SDK2: variants seen among roughly 807,000 people sequenced by gnomAD.
SDK2 encodes protein sidekick-2.
SDK2 carries 105 observed loss-of-function variants against 253.9 expected under a neutral mutation model. The observed-to-expected ratio is 0.41, with a 90% CI of 0.35 to 0.49. The LOEUF is 0.49. SDK2 is among the 20% of genes least tolerant of loss of function. The probability of loss-of-function intolerance (pLI) is 0.06; values close to 1 mark genes in which losing one functional copy is unlikely to be tolerated. For synonymous variants in SDK2, 1,249 were observed against 1,234.9 expected, an observed-to-expected ratio of 1.01 and a Z score of -0.24; for missense variants, 2,608 against 3,003.0, an observed-to-expected ratio of 0.87 and a Z score of 3.07.
At chr17:73,391,304 C>T (rs2062926146) in intron 28 of SDK2, 136 bp downstream of exon 28, 2 of 424,676 alleles carry the variant, frequency 4.7e-6, no homozygotes, top group Non-Finnish European at 8.4e-6. Flanking sequence ...GGACTAACAC[C>T]CAGATCCCAT....
In SDK2 at chr17:73,440,856, C is replaced by T. The variant is rs1006796380; in HGVS notation, c.681G>A (p.Val227=). 8.8e-5 allele frequency: 137 copies of T among 1,551,626 alleles called. No individual in the cohort carries two copies. Among genetic ancestry groups the T allele is most frequent in the Non-Finnish European group, 1.1e-4 (131 of 1,147,006 alleles). Residue 227 remains valine (V), a synonymous_variant, in exon 6 of 45, where the codon GTG becomes GTA. Coordinates refer to ENST00000392650, the MANE Select transcript of SDK2 (RefSeq NM_001144952.2). ...IIIPPKNTSV[V]AGTSEVTLEC... is the part of the protein sequence containing the mutation. ...CCAAGGTAACCTCTGAGGTGCCGGC[C>T]ACCACGCTGGTGTTTTTAGGTGGGA... is the stretch of plus-strand genomic sequence containing the variant.
chr17:73,414,942 C>T (rs111310468), intron 17 of SDK2, among the ~76,000 whole-genome samples, 183 bp from the exon 18 acceptor site: 8 of 152,172 alleles, frequency 5.3e-5, no homozygotes, highest in African/African-American at 1.7e-4. Flanking sequence ...GATTAGTTTG[C>T]GTTTAATAAA....
At chr17:73,571,063 G>A (rs1599688684) in intron 1 of SDK2, among the ~76,000 whole-genome samples, 1 of 140,806 alleles carries the variant, frequency 7.1e-6, no homozygotes, top group East Asian at 2.0e-4. Context: ...TGCAGGAGGT[G>A]GCTCGGGTTT....
intron 15 of SDK2, among the ~76,000 whole-genome samples, chr17:73,421,433 C>T (rs1400005553): frequency 6.6e-6 from 1 of 152,180 alleles, no homozygotes; most frequent in Non-Finnish European, 1.5e-5. Context: ...TTGTTCTGAC[C>T]TCTCCCATGA....
At chr17:73,492,134 T>C (rs370599409) in intron 2 of SDK2, among the ~76,000 whole-genome samples, 74 of 152,234 alleles carry the variant, frequency 4.9e-4, no homozygotes, top group African/African-American at 1.6e-3. Context: ...AAAGAGATCC[T>C]GCACCCAGCT....
intron 1 of SDK2, among the ~76,000 whole-genome samples, chr17:73,597,653 T>TC (rs1387069304): frequency 6.6e-6 from 1 of 151,310 alleles, no homozygotes; most frequent in Non-Finnish European, 1.5e-5. Flanking sequence ...TCTTTTCTTT[T>TC]TTTTTTTTTT....
intron 44 of SDK2, among the ~76,000 whole-genome samples, chr17:73,340,442 T>A (rs567351031): frequency 1.3e-5 from 2 of 152,322 alleles, no homozygotes; most frequent in African/African-American, 4.8e-5. Flanking sequence ...GACTTTCCTA[T>A]AAATGGGATC....
chr17:73,638,688 C>A (rs1194021311), intron 1 of SDK2, among the ~76,000 whole-genome samples: 1 of 151,968 alleles, frequency 6.6e-6, no homozygotes, highest in Non-Finnish European at 1.5e-5. Context: ...GATCAGGACA[C>A]CCTCCTGGAC....
At chr17:73,440,091 A>G (rs965065382) in intron 6 of SDK2, among the ~76,000 whole-genome samples, 1 of 146,556 alleles carries the variant, frequency 6.8e-6, no homozygotes, top group Non-Finnish European at 1.5e-5. Flanking sequence ...GATCTGCCCT[A>G]CTCCAAAGCC....
At chr17:73,537,080 G>A (rs141919266) in intron 1 of SDK2, among the ~76,000 whole-genome samples, 48 of 152,308 alleles carry the variant, frequency 3.2e-4, no homozygotes, top group African/African-American at 1.0e-3. Flanking sequence ...CTGGTTGGAG[G>A]TGGCGGCTCA....
At chr17:73,360,860 C>G (rs1568365446) in intron 39 of SDK2, among the ~76,000 whole-genome samples, 1 of 150,656 alleles carries the variant, frequency 6.6e-6, no homozygotes, top group Non-Finnish European at 1.5e-5. Context: ...TGCTTGAACC[C>G]GGGAGGTGGA....
chr17:73,625,972 A>G (rs2046194823), intron 1 of SDK2, among the ~76,000 whole-genome samples: 1 of 152,174 alleles, frequency 6.6e-6, no homozygotes, highest in African/African-American at 2.4e-5. Flanking sequence ...CGGATCCTGC[A>G]AAAGATGCCG....
At chr17:73,420,888 C>T (rs2063224086) in intron 15 of SDK2, among the ~76,000 whole-genome samples, 1 of 152,056 alleles carries the variant, frequency 6.6e-6, no homozygotes, top group South Asian at 2.1e-4. Context: ...GTTGGCCAGG[C>T]TGGTCTCGAA....
In SDK2 at chr17:73,419,259, A is replaced by G; in HGVS notation, c.2093T>C (p.Ile698Thr). ...EPPTAPPQNV[I>T]ASGRTNQSIM... is the part of the protein sequence containing the mutation. ...GGACTGGTTGGTTCGACCGCTGGCG[A>G]TGACGTTCTGTGGAGGGGCCGTGGG... is the stretch of plus-strand genomic sequence containing the variant. The change falls in exon 16 of 45, where the codon ATC (isoleucine) becomes ACC (threonine). Residue 698 changes from isoleucine (I) to threonine (T), a missense_variant. Coordinates refer to ENST00000392650, the MANE Select transcript of SDK2 (RefSeq NM_001144952.2). The G allele has an allele frequency of 1.2e-6, 2 of 1,613,026 alleles. No individual in the cohort carries two copies. Among genetic ancestry groups the G allele is most frequent in the Non-Finnish European group, 1.7e-6 (2 of 1,179,690 alleles).
intron 17 of SDK2, among the ~76,000 whole-genome samples, chr17:73,415,285 A>G (rs1223824745): frequency 6.6e-6 from 1 of 151,500 alleles, no homozygotes; most frequent in Admixed American, 6.6e-5. Context: ...CCCAACAGGC[A>G]TGGGACTGGG....
intron 14 of SDK2, 54 bp from the exon 15 acceptor site, chr17:73,422,488 G>A: frequency 6.3e-7 from 1 of 1,579,532 alleles, no homozygotes; most frequent in East Asian, 2.2e-5. Flanking sequence ...GATGAAGCAT[G>A]CTTCTTACTC....
rs1567799335 is a variant in SDK2, at chr17:73,483,682, TTTATATATA to T, written c.225-11473_225-11465del. Among the ~76,000 whole-genome samples the T allele has an allele frequency of 3.2e-4, 16 of 49,600 alleles. 2 individuals carry two copies. Among genetic ancestry groups the T allele is most frequent in the Non-Finnish European group, 4.8e-4 (13 of 27,182 alleles). 32.5% of individuals were successfully genotyped at this position (49,600 alleles called of 152,430 possible). On this transcript the variant is annotated intron_variant, in intron 2 of 44. Coordinates refer to ENST00000392650, the MANE Select transcript of SDK2 (RefSeq NM_001144952.2). Reference sequence around the variant, plus strand: ...GTGTGTATATATATATATATATATATTTATATATATATATATATATATATATTTTTTTTT... The same window carrying T: ...GTGTGTATATATATATATATATATATTATATATATATATATATTTTTTTTT...
intron 2 of SDK2, among the ~76,000 whole-genome samples, chr17:73,505,119 G>T (rs12600925): frequency 0.6 from 90,548 of 152,040 alleles, 27,384 homozygotes; most frequent in Non-Finnish European, 0.65. Context: ...GCATTCTCCC[G>T]ATTGCTTTGT....
In SDK2 at chr17:73,502,753, GA is replaced by G. The variant is rs1482521774; in HGVS notation, c.224+4684del. 3.7e-4 allele frequency among the ~76,000 whole-genome samples: 57 copies of G among 152,176 alleles called. 1 individual carries two copies. Among genetic ancestry groups the G allele is most frequent in the Non-Finnish European group, 5.9e-5 (4 of 68,020 alleles). ...CTGATTCGGGTAAGACTCTTCAATG[GA>G]TACTAAACCACTGGGTGGGAGAGTC... is the stretch of plus-strand genomic sequence containing the variant. On this transcript the variant is annotated intron_variant, in intron 2 of 44. Coordinates refer to ENST00000392650, the MANE Select transcript of SDK2 (RefSeq NM_001144952.2).
Sources: allele counts gnomAD v4.1 joint callset (sites outside exome capture counted in the v4.1 genomes callset), GRCh38; gene constraint gnomAD v4.1.1; transcripts MANE v1.5; gene names NCBI Gene and HGNC (gene_info 2026-07-23, HGNC 2026-07-21).